MYO3B: variants seen among roughly 807,000 people sequenced by gnomAD.
MYO3B encodes the protein myosin IIIB.
Under a neutral mutation model 174.6 loss-of-function variants are expected in MYO3B, and 156 were observed. That is an observed-to-expected ratio of 0.89 (90% confidence interval 0.78 to 1.02). MYO3B has a LOEUF of 1.02. MYO3B is among the 50% of genes least tolerant of loss of function. MYO3B has a pLI of 0.00. For synonymous variants in MYO3B, 563 were observed against 569.1 expected, an observed-to-expected ratio of 0.99 and a Z score of 0.15; for missense variants, 1,632 against 1,639.4, an observed-to-expected ratio of 1.00 and a Z score of 0.08.
At chr2:170,290,427 T>C (rs2093588317) in intron 7 of MYO3B, among the ~76,000 whole-genome samples, 1 of 152,204 alleles carries the variant, frequency 6.6e-6, no homozygotes, top group African/African-American at 2.4e-5. Flanking sequence ...TATCATTATA[T>C]AGTTACCTTC....
At chr2:170,208,912 C>T (rs2092742841) in intron 3 of MYO3B, among the ~76,000 whole-genome samples, 1 of 152,208 alleles carries the variant, frequency 6.6e-6, no homozygotes, top group Non-Finnish European at 1.5e-5. Flanking sequence ...TGAGCACAGC[C>T]ATGGGTTTGT....
At chr2:170,519,353 G>A in intron 29 of MYO3B, 85 bp from the exon 30 acceptor site, 1 of 989,170 alleles carries the variant, frequency 1.0e-6, no homozygotes, top group Non-Finnish European at 1.5e-6. Context: ...AGGGAGAGAA[G>A]GGCTGCAGAG....
At chr2:170,649,444 AAATATAT>A (rs1251493520) in intron 32 of MYO3B, among the ~76,000 whole-genome samples, 7 of 104,020 alleles carry the variant, frequency 6.7e-5, no homozygotes, top group East Asian at 5.5e-4. Flanking sequence ...ATTACATATA[AAATATAT>A]AATATATAAT....
At chr2:170,187,005 C>CT (rs35780057) in intron 1 of MYO3B, among the ~76,000 whole-genome samples, 1,884 of 134,214 alleles carry the variant, frequency 0.014, 22 homozygotes, top group East Asian at 0.034. Flanking sequence ...TTTGAGTTGT[C>CT]TTTTTTTTTT....
rs184312419 is a variant in MYO3B, at chr2:170,530,018, C to T, written c.3575+10478C>T. 3.9e-5 allele frequency among the ~76,000 whole-genome samples: 6 copies of T among 152,316 alleles called. No homozygotes were observed. In the East Asian group the frequency reaches 9.6e-4, roughly 24 times the overall value. On this transcript the variant is annotated intron_variant, in intron 30 of 34. Coordinates refer to ENST00000408978, the MANE Select transcript of MYO3B (RefSeq NM_138995.5). ...ATGCCAATATATTTTCCACTAGCAT[C>T]GCCCTGGTCACCTTAAATTAAGAAG...
In MYO3B at chr2:170,434,315, C is replaced by T. The variant is rs1574972940; in HGVS notation, c.2651-9652C>T. On this transcript the variant is annotated intron_variant, in intron 22 of 34. Coordinates refer to ENST00000408978, the MANE Select transcript of MYO3B (RefSeq NM_138995.5). ...ACTTGTTATATATAAAGTTTTGGTG[C>T]TGCAAAAGGAATAGCACTCGAATAT... Among the ~76,000 whole-genome samples the T allele has an allele frequency of 2.0e-5, 3 of 152,222 alleles. No individual in the cohort carries two copies. In the East Asian group the frequency reaches 5.8e-4, roughly 29 times the overall value.
At chr2:170,373,865 G>T (rs1412450464) in intron 9 of MYO3B, among the ~76,000 whole-genome samples, 1 of 151,990 alleles carries the variant, frequency 6.6e-6, no homozygotes, top group East Asian at 1.9e-4. Context: ...TTTCAGAGTT[G>T]GGAGTGGATT....
chr2:170,315,686 A>C (rs6732692), intron 7 of MYO3B, among the ~76,000 whole-genome samples: 26,696 of 152,234 alleles, frequency 0.18, 2,958 homozygotes, highest in African/African-American at 0.28. Context: ...TAAATGTTTT[A>C]CATGAATCAT....
chr2:170,486,434 A>T (rs1261553557), intron 25 of MYO3B, among the ~76,000 whole-genome samples: 4 of 151,064 alleles, frequency 2.6e-5, no homozygotes, highest in African/African-American at 9.8e-5. Flanking sequence ...CCTCCCAAGT[A>T]GCTGGGATTA....
At chr2:170,283,720 G>A (rs1399527808) in intron 7 of MYO3B, among the ~76,000 whole-genome samples, 1 of 152,162 alleles carries the variant, frequency 6.6e-6, no homozygotes, top group African/African-American at 2.4e-5. Context: ...AGTTAATTGT[G>A]TGGGTTAAAT....
At chr2:170,449,850 A>G (rs1269814902) in intron 23 of MYO3B, among the ~76,000 whole-genome samples, 1 of 152,132 alleles carries the variant, frequency 6.6e-6, no homozygotes, top group African/African-American at 2.4e-5. Flanking sequence ...AATGTTTATC[A>G]CATCAGCTCT....
intron 7 of MYO3B, among the ~76,000 whole-genome samples, chr2:170,333,756 A>T (rs2093927977): frequency 6.6e-6 from 1 of 152,196 alleles, no homozygotes; most frequent in Admixed American, 6.5e-5. Flanking sequence ...TCTTCTATAA[A>T]GTCTTTTGAG....
intron 30 of MYO3B, among the ~76,000 whole-genome samples, chr2:170,530,226 G>A (rs1257852829): frequency 5.3e-5 from 8 of 152,156 alleles, no homozygotes; most frequent in African/African-American, 4.8e-5. Flanking sequence ...GAGAGCTCTC[G>A]TGAAACAGAG....
Position 170,315,317 on chromosome 2 carries a change from C to CT in MYO3B, c.750-20054dup, listed in dbSNP as rs11322354. ...AGAGACATACAATTTACTTATAATT[C>CT]TTTTTTTTTTTTTTGAGGCAGTCTC... On this transcript the variant is annotated intron_variant, in intron 7 of 34. Coordinates refer to ENST00000408978, the MANE Select transcript of MYO3B (RefSeq NM_138995.5). Among the ~76,000 whole-genome samples, 370 of 143,884 alleles carry CT rather than the reference C, an allele frequency of 2.6e-3. 1 individual carries two copies. The highest frequency in any genetic ancestry group is 9.1e-3 in the African/African-American group (358 of 39,550). The allele number at this position is 143,884 out of a possible 152,430, so 94.4% of individuals were successfully genotyped here. A position where few individuals can be genotyped will look rare whatever the true frequency, so the allele number is the denominator to read the frequency against.
At chr2:170,553,968 C>T (rs746613910) in intron 32 of MYO3B, among the ~76,000 whole-genome samples, 6 of 152,116 alleles carry the variant, frequency 3.9e-5, no homozygotes, top group Admixed American at 6.5e-5. Flanking sequence ...TACCTTCTGC[C>T]AGAACTGTAA....
intron 7 of MYO3B, among the ~76,000 whole-genome samples, chr2:170,265,411 G>C (rs539418120): frequency 6.6e-6 from 1 of 152,240 alleles, no homozygotes. Flanking sequence ...GTGAATTTGA[G>C]AGTAATTATA....
rs180817750 is a variant in MYO3B, at chr2:170,425,186, A to G, written c.2650+17342A>G. Among the ~76,000 whole-genome samples the G allele has an allele frequency of 1.7e-4, 26 of 152,014 alleles. No individual in the cohort carries two copies. In the East Asian group the frequency reaches 4.8e-3, roughly 28 times the overall value. On this transcript the variant is annotated intron_variant, in intron 22 of 34. Transcript: ENST00000408978. ...TCTCTCTACTTAAAGATGGAATAAA[A>G]CTTAACATTTTTCCCCAGGAATTTA...
At chr2:170,333,401 G>A (rs1018464150) in intron 7 of MYO3B, among the ~76,000 whole-genome samples, 1 of 152,102 alleles carries the variant, frequency 6.6e-6, no homozygotes, top group African/African-American at 2.4e-5. Flanking sequence ...TCCAGCAGAA[G>A]GGGGAAAAAA....
At position 170,519,682 on chromosome 2, in the gene MYO3B, G is replaced by A. The variant is rs180892254; in HGVS notation, c.3575+142G>A. The A allele has an allele frequency of 1.7e-4, 123 of 720,702 alleles. No individual in the cohort carries two copies. In the African/African-American group the frequency reaches 2.0e-3, roughly 11 times the overall value. The allele number at this position is 720,702 out of a possible 1,614,324, so 44.6% of individuals were successfully genotyped here. A position where few individuals can be genotyped will look rare whatever the true frequency, so the allele number is the denominator to read the frequency against. On this transcript the variant is annotated intron_variant, in intron 30 of 34. Transcript: ENST00000408978. Reference sequence around the variant, plus strand: ...ACTGGAGAGAGTGGAACCAAAAAGCGTTTCCAGGGCTGGGCGTGGTGGCTC... The same window carrying A: ...ACTGGAGAGAGTGGAACCAAAAAGCATTTCCAGGGCTGGGCGTGGTGGCTC...
Sources: gnomAD v4.1 joint callset for allele counts (sites outside exome capture counted in the v4.1 genomes callset) on GRCh38, gnomAD v4.1.1 for gene constraint, MANE v1.5 for transcripts, NCBI Gene and HGNC (gene_info 2026-07-23, HGNC 2026-07-21) for gene names.